The following PARD3B variants were observed in gnomAD, a reference collection of about 807,000 sequenced individuals.
The protein encoded by PARD3B is partitioning defective 3 homolog B.
PARD3B carries 103 observed loss-of-function variants against 130.2 expected under a neutral mutation model. The observed-to-expected ratio is 0.79, with a 90% CI of 0.67 to 0.93. PARD3B has a LOEUF of 0.93. Among genes scored for constraint, PARD3B ranks in the 40% least tolerant of loss-of-function variants. The pLI is 0.00. For synonymous variants in PARD3B, 583 were observed against 553.2 expected (o/e 1.05, Z -0.76); for missense variants, 1,609 against 1,499.2 (o/e 1.07, Z -1.21).
chr2:204,711,911 A>G (rs1417928841), intron 2 of PARD3B, among the ~76,000 whole-genome samples: 1 of 152,278 alleles, frequency 6.6e-6, no homozygotes, highest in East Asian at 1.9e-4. Flanking sequence ...AGTAACTTCC[A>G]TGTTTCTGTA....
intron 15 of PARD3B, among the ~76,000 whole-genome samples, chr2:205,235,452 A>G (rs901142877): frequency 6.6e-6 from 1 of 152,094 alleles, no homozygotes; most frequent in Non-Finnish European, 1.5e-5. Flanking sequence ...AGAGTACAGT[A>G]GTCTCCACCC....
intron 21 of PARD3B, among the ~76,000 whole-genome samples, chr2:205,521,207 G>GGTA (rs2051034708): frequency 6.6e-6 from 1 of 151,760 alleles, no homozygotes; most frequent in African/African-American, 2.4e-5. Flanking sequence ...TTACCAATTT[G>GGTA]ATGGCAAATA....
intron 22 of PARD3B, among the ~76,000 whole-genome samples, chr2:205,554,709 G>C (rs186716070): frequency 6.6e-6 from 1 of 152,210 alleles, no homozygotes; most frequent in East Asian, 1.9e-4. Flanking sequence ...CAGTCACAAT[G>C]GTACTGATTA....
chr2:205,151,253 A>C (rs1559487903), intron 10 of PARD3B, among the ~76,000 whole-genome samples: 1 of 152,140 alleles, frequency 6.6e-6, no homozygotes, highest in Admixed American at 6.5e-5. Context: ...TTTGGGGTGG[A>C]GAGTTCTATA....
chr2:205,487,885 CGTGA>C lies in PARD3B; in HGVS notation c.3045-12007_3045-12004del, dbSNP rs200658229. Among the ~76,000 whole-genome samples, 636 of 152,254 alleles carry C rather than the reference CGTGA, an allele frequency of 4.2e-3. 4 individuals are homozygous for C. The highest frequency in any genetic ancestry group is 0.015 in the African/African-American group (608 of 41,544). ...GTTGGTGAGAATTTCTTTGAGAAGG[CGTGA>C]GTGTGTGCGTATTAGTGTTATCATT... On this transcript the variant is annotated intron_variant, in intron 20 of 22. Transcript: ENST00000406610.
At chr2:205,223,248 AG>A (rs577504555) in intron 15 of PARD3B, among the ~76,000 whole-genome samples, 182 of 152,358 alleles carry the variant, frequency 1.2e-3, no homozygotes, top group African/African-American at 4.1e-3. Flanking sequence ...TGGGATACAA[AG>A]ATAAAGAGAA....
At chr2:204,783,989 A>G (rs1024076083) in intron 2 of PARD3B, among the ~76,000 whole-genome samples, 1 of 152,094 alleles carries the variant, frequency 6.6e-6, no homozygotes, top group Non-Finnish European at 1.5e-5. Flanking sequence ...AGCAGACTCT[A>G]GAGACTGAGT....
chr2:204,913,898 T>C (rs1292563678), intron 2 of PARD3B, among the ~76,000 whole-genome samples: 1 of 152,228 alleles, frequency 6.6e-6, no homozygotes, highest in Non-Finnish European at 1.5e-5. Flanking sequence ...TTGTTTGGTC[T>C]AAAGGCACCG....
intron 2 of PARD3B, among the ~76,000 whole-genome samples, chr2:204,737,907 G>A (rs922952711): frequency 1.3e-5 from 2 of 152,060 alleles, no homozygotes; most frequent in Non-Finnish European, 2.9e-5. Context: ...TGGGTTCTCT[G>A]TTCTTTTCCA....
chr2:205,047,479 A>G (rs774010145), intron 3 of PARD3B, 102 bp from the exon 4 acceptor site: 43 of 612,184 alleles, frequency 7.0e-5, no homozygotes, highest in Non-Finnish European at 1.1e-4. Context: ...ATGTTTTTAC[A>G]TAAAAGCCTG....
At chr2:204,551,984 A>T (rs1353376483) in intron 1 of PARD3B, among the ~76,000 whole-genome samples, 1 of 152,194 alleles carries the variant, frequency 6.6e-6, no homozygotes, top group Admixed American at 6.5e-5. Flanking sequence ...GCCACTAGAC[A>T]TATGTGGTTG....
rs113332190 is a variant in PARD3B, at chr2:204,855,178, T to C, written c.223-109974T>C. 1.8e-4 allele frequency among the ~76,000 whole-genome samples: 27 copies of C among 152,270 alleles called. 2 individuals are homozygous for C. Among genetic ancestry groups the C allele is most frequent in the African/African-American group, 6.0e-4 (25 of 41,564 alleles). On this transcript the variant is annotated intron_variant, in intron 2 of 22. Coordinates refer to ENST00000406610, the MANE Select transcript of PARD3B (RefSeq NM_001302769.2). ...TTATCCTGTCTCAGCCTCCCAAGTA[T>C]TTGGGATTACAGCCACATGCCACAG...
intron 18 of PARD3B, among the ~76,000 whole-genome samples, chr2:205,335,264 A>G (rs1441841883): frequency 2.6e-5 from 4 of 152,212 alleles, no homozygotes; most frequent in Non-Finnish European, 1.5e-5. Context: ...TCTTTGGAAC[A>G]TGGTGGGAAG....
chr2:204,848,976 CTTG>C (rs1223456938), intron 2 of PARD3B, among the ~76,000 whole-genome samples: 1 of 151,936 alleles, frequency 6.6e-6, no homozygotes, highest in Non-Finnish European at 1.5e-5. Flanking sequence ...TTTTAAAGCT[CTTG>C]TTAAGATTCT....
intron 1 of PARD3B, among the ~76,000 whole-genome samples, chr2:204,615,208 A>G (rs2034066783): frequency 1.3e-5 from 2 of 152,166 alleles, no homozygotes; most frequent in Non-Finnish European, 1.5e-5. Context: ...GTCTTTTCAG[A>G]TAATTCTGGA....
chr2:205,311,145 C>T (rs1254024073), intron 18 of PARD3B, among the ~76,000 whole-genome samples: 1 of 152,136 alleles, frequency 6.6e-6, no homozygotes. Context: ...CATGAGAGTG[C>T]GGATATCTTC....
intron 18 of PARD3B, among the ~76,000 whole-genome samples, chr2:205,376,015 A>G (rs1273204645): frequency 6.6e-6 from 1 of 152,198 alleles, no homozygotes; most frequent in Admixed American, 6.5e-5. Flanking sequence ...CCTTAGCAAG[A>G]AAAGTTTAAG....
chr2:204,689,445 A>G lies in PARD3B; in HGVS notation c.222+3163A>G, dbSNP rs2037255232. ...GTATAAAATGTTGTGCTGAAACTTA[A>G]TAATTATCTGGTTGTGACAGTTATT... is the stretch of plus-strand genomic sequence containing the variant. On this transcript the variant is annotated intron_variant, in intron 2 of 22. Transcript: ENST00000406610. The surrounding 1 kb of genome is among the most constrained non-coding windows in gnomAD (Gnocchi z 5.2). Among the ~76,000 whole-genome samples, 1 of 152,168 alleles carries G rather than the reference A, an allele frequency of 6.6e-6. No individual in the cohort carries two copies. The highest frequency in any genetic ancestry group is 1.5e-5 in the Non-Finnish European group (1 of 68,020).
Position 204,799,462 on chromosome 2 carries a change from G to T in PARD3B, c.222+113180G>T, listed in dbSNP as rs2042487769. On this transcript the variant is annotated intron_variant, in intron 2 of 22. Coordinates refer to ENST00000406610, the MANE Select transcript of PARD3B (RefSeq NM_001302769.2). The surrounding 1 kb of genome is among the most constrained non-coding windows in gnomAD (Gnocchi z 4.1). ...AGGAAGACCTCATTACCCTGACGGG[G>T]ACACAAGCCTCTCTGGGTTTCCCAT... 6.6e-6 allele frequency among the ~76,000 whole-genome samples: 1 copy of T among 152,182 alleles called. No individual in the cohort carries two copies. The highest frequency in any genetic ancestry group is 2.4e-5 in the African/African-American group (1 of 41,462).
Sources: gnomAD v4.1 joint callset for allele counts (sites outside exome capture counted in the v4.1 genomes callset) on GRCh38, gnomAD v4.1.1 for gene constraint, Gnocchi (gnomAD v3.1) non-coding constraint, MANE v1.5 for transcripts, NCBI Gene and HGNC (gene_info 2026-07-23, HGNC 2026-07-21) for gene names.